Variants in NUSAP1 observed in about 807,000 individuals in gnomAD.
NUSAP1 encodes the protein nucleolar and spindle associated protein 1, also known as nucleolar and spindle-associated protein 1.
A neutral mutation model predicts 52.8 loss-of-function variants in NUSAP1; 32 were observed. The ratio of observed to expected loss-of-function variants is 0.61; its 90% confidence interval spans 0.46 to 0.81. NUSAP1 has a LOEUF of 0.81. Ranked by LOEUF, NUSAP1 falls within the 40% of genes least tolerant of loss-of-function variation. The pLI, the probability that NUSAP1 is intolerant of heterozygous loss-of-function variation, is 0.00. For missense variants in NUSAP1, 499 were observed against 522.3 expected, an observed-to-expected ratio of 0.96 and a Z score of 0.43; for synonymous variants, 195 against 183.1, an observed-to-expected ratio of 1.06 and a Z score of -0.52.
intron 2 of NUSAP1, among the ~76,000 whole-genome samples, chr15:41,348,701 G>A (rs748418805): frequency 2.0e-5 from 3 of 152,092 alleles, no homozygotes; most frequent in African/African-American, 2.4e-5. Context: ...GTGCAATGGC[G>A]CCATCTTGGC....
intron 1 of NUSAP1, among the ~76,000 whole-genome samples, chr15:41,339,748 T>C (rs1027837121): frequency 2.6e-5 from 4 of 151,894 alleles, no homozygotes; most frequent in African/African-American, 9.7e-5. Context: ...TTTTTTCTAA[T>C]AACAATTTAG....
rs904037264 is a variant in NUSAP1, at chr15:41,332,908, A to G, written c.-50A>G. On this transcript the variant is annotated 5_prime_UTR_variant, in exon 1 of 11. Coordinates refer to ENST00000559596, the MANE Select transcript of NUSAP1 (RefSeq NM_016359.5). ...GGCGCCAGGGATTTGAACCGCGCTG[A>G]CGAAGTTTGGTGATCCATCTTCCGA... 13 of 1,441,354 alleles carry G rather than the reference A, an allele frequency of 9.0e-6. 1 individual carries two copies. The African/African-American group carries it at 1.3e-4, about 14-fold the overall frequency. The allele number at this position is 1,441,354 out of a possible 1,614,324, so 89.3% of individuals were successfully genotyped here.
chr15:41,353,440 C>A (rs868518145), intron 4 of NUSAP1, among the ~76,000 whole-genome samples: 13 of 152,140 alleles, frequency 8.5e-5, no homozygotes, highest in African/African-American at 3.1e-4. Flanking sequence ...CCAAACCCTG[C>A]CAAATATCCT....
chr15:41,354,459 C>T (rs1160881687), intron 4 of NUSAP1, among the ~76,000 whole-genome samples: 3 of 152,006 alleles, frequency 2.0e-5, no homozygotes, highest in South Asian at 2.1e-4. Flanking sequence ...GAGCCAAGAT[C>T]GCGCCACTGC....
chr15:41,364,305 T>A (rs2049300338), intron 6 of NUSAP1, among the ~76,000 whole-genome samples: 2 of 151,928 alleles, frequency 1.3e-5, no homozygotes, highest in African/African-American at 4.8e-5. Flanking sequence ...CCCAGCAGTT[T>A]GGGAGGCTGA....
At chr15:41,364,520 C>G (rs550012161) in intron 6 of NUSAP1, among the ~76,000 whole-genome samples, 2 of 151,238 alleles carry the variant, frequency 1.3e-5, no homozygotes, top group South Asian at 4.2e-4. Flanking sequence ...CACTCCAGCC[C>G]AGGTGAAAGA....
At chr15:41,348,586 G>A (rs1268518349) in intron 2 of NUSAP1, among the ~76,000 whole-genome samples, 3 of 152,110 alleles carry the variant, frequency 2.0e-5, no homozygotes, top group African/African-American at 7.2e-5. Flanking sequence ...ATTAATTTGG[G>A]TTGCTAAGTG....
At chr15:41,361,647 C>T (rs957582478) in intron 6 of NUSAP1, among the ~76,000 whole-genome samples, 7 of 151,708 alleles carry the variant, frequency 4.6e-5, no homozygotes, top group Non-Finnish European at 1.0e-4. Flanking sequence ...AGAGCAAGAA[C>T]GACTGTCTCA....
intron 5 of NUSAP1, among the ~76,000 whole-genome samples, chr15:41,357,217 C>A: frequency 6.6e-6 from 1 of 151,784 alleles, no homozygotes; most frequent in East Asian, 2.0e-4. Context: ...AAAATACAAA[C>A]ATTAGCCAGG....
intron 2 of NUSAP1, among the ~76,000 whole-genome samples, chr15:41,343,890 T>G (rs2048457974): frequency 6.6e-6 from 1 of 152,074 alleles, no homozygotes; most frequent in African/African-American, 2.4e-5. Context: ...TTCTTTTTTA[T>G]GGTTAAGGGT....
chr15:41,347,015 T>C (rs779522035), intron 2 of NUSAP1, among the ~76,000 whole-genome samples: 35 of 151,858 alleles, frequency 2.3e-4, no homozygotes, highest in South Asian at 6.2e-4. Flanking sequence ...TCTACTAAAA[T>C]ACAAAAATTA....
At chr15:41,372,430 C>T (rs1159674870) in intron 8 of NUSAP1, among the ~76,000 whole-genome samples, 1 of 152,180 alleles carries the variant, frequency 6.6e-6, no homozygotes, top group Non-Finnish European at 1.5e-5. Flanking sequence ...ATCTATTTTA[C>T]TATTCACGAA....
At chr15:41,379,271 G>A (rs938971570) in intron 10 of NUSAP1, among the ~76,000 whole-genome samples, 1 of 151,330 alleles carries the variant, frequency 6.6e-6, no homozygotes, top group Non-Finnish European at 1.5e-5. Flanking sequence ...ATTTCTAGGT[G>A]TAGACATTTC....
intron 6 of NUSAP1, among the ~76,000 whole-genome samples, chr15:41,359,617 A>AT (rs75403743): frequency 0.09 from 13,483 of 149,974 alleles, 763 homozygotes; most frequent in African/African-American, 0.16. Context: ...TGTTACAACC[A>AT]TTTTTTTTCT....
At chr15:41,353,591 A>AGG (rs1199661706) in intron 4 of NUSAP1, among the ~76,000 whole-genome samples, 1 of 152,198 alleles carries the variant, frequency 6.6e-6, no homozygotes, top group Non-Finnish European at 1.5e-5. Context: ...GAACTTTAGA[A>AGG]ATGGTATTTC....
chr15:41,374,687 C>T (rs2049846662), intron 8 of NUSAP1, among the ~76,000 whole-genome samples: 2 of 151,926 alleles, frequency 1.3e-5, no homozygotes, highest in Admixed American at 1.3e-4. Flanking sequence ...GCTGCCACGC[C>T]TAGCTAATTT....
At chr15:41,360,793 C>CTTTTTT (rs1180569684) in intron 6 of NUSAP1, among the ~76,000 whole-genome samples, 3 of 117,024 alleles carry the variant, frequency 2.6e-5, no homozygotes, top group Admixed American at 9.3e-5. Context: ...GTTTATCCAT[C>CTTTTTT]TTTTTTTTTT....
In NUSAP1 at chr15:41,333,068, C is replaced by G. The variant is rs1420823120; in HGVS notation, c.93+18C>G. On this transcript the variant is annotated intron_variant, in intron 1 of 10. Transcript: ENST00000559596. ...ACCTGAGGGTACGGCGCTGGCGGTG[C>G]GGGTCCCTGGGCGGGCGCGGCGGGA... 6.3e-7 allele frequency: 1 copy of G among 1,593,778 alleles called. No homozygotes were observed. The highest frequency in any genetic ancestry group is 8.6e-7 in the Non-Finnish European group (1 of 1,167,736).
At chr15:41,337,225 C>G (rs940067967) in intron 1 of NUSAP1, among the ~76,000 whole-genome samples, 1 of 151,944 alleles carries the variant, frequency 6.6e-6, no homozygotes, top group Non-Finnish European at 1.5e-5. Flanking sequence ...GACTATGTTG[C>G]CCTGTCTGGT....
Sources: gnomAD v4.1 joint callset for allele counts (sites outside exome capture counted in the v4.1 genomes callset) on GRCh38, gnomAD v4.1.1 for gene constraint, MANE v1.5 for transcripts, NCBI Gene and HGNC (gene_info 2026-07-23, HGNC 2026-07-21) for gene names.